The following CFAP57 variants were observed in gnomAD, a reference collection of about 807,000 sequenced individuals.
CFAP57 encodes the protein cilia- and flagella-associated protein 57.
A neutral mutation model predicts 146.8 loss-of-function variants in CFAP57; 116 were observed. The observed-to-expected ratio is 0.79, with a 90% CI of 0.68 to 0.92. The LOEUF (loss-of-function observed/expected upper bound fraction) is 0.92. Among genes scored for constraint, CFAP57 ranks in the 40% least tolerant of loss-of-function variants. CFAP57 has a pLI of 0.00. For missense variants in CFAP57, 1,377 were observed against 1,527.2 expected, an observed-to-expected ratio of 0.90 and a Z score of 1.64; for synonymous variants, 518 against 552.8, an observed-to-expected ratio of 0.94 and a Z score of 0.88.
rs1043986749 is a variant in CFAP57 at position 43,238,144 on chromosome 1, C to G, written c.3405+3506C>G. The stretch of plus-strand genomic sequence containing the variant: ...TTGTGCAGTTAGGCAGATGGTGAGC[C>G]CACTGACTGTGGGTTCCAGAAAGAT... On this transcript the variant is annotated intron_variant, in intron 21 of 22. Transcript: ENST00000372492. The surrounding 1 kb of genome is among the most constrained non-coding windows in gnomAD (Gnocchi z 4.3). 5.3e-5 allele frequency among the ~76,000 whole-genome samples: 8 copies of G among 152,046 alleles called. No individual in the cohort carries two copies. The highest frequency in any genetic ancestry group is 8.8e-5 in the Non-Finnish European group (6 of 67,992).
chr1:43,208,584 C>T (rs1185905400), intron 10 of CFAP57, among the ~76,000 whole-genome samples: 2 of 152,034 alleles, frequency 1.3e-5, no homozygotes, highest in Non-Finnish European at 2.9e-5. Flanking sequence ...CATAGGTGGG[C>T]ATTGAACAAT....
At chr1:43,202,930 T>G (rs1169429639) in intron 9 of CFAP57, among the ~76,000 whole-genome samples, 1 of 152,060 alleles carries the variant, frequency 6.6e-6, no homozygotes, top group Non-Finnish European at 1.5e-5. Context: ...TCCCAGCACT[T>G]TGGGAGGCTG....
In CFAP57 at chr1:43,234,363, AAGG is replaced by A; in HGVS notation, c.3214_3216del (p.Glu1072del). ...CTATATTCAGGAACCGCGGCTGCTG[AAGG>A]AGAAGGTTCGAGGTCTCTTTGAGAA... On this transcript the variant is annotated inframe_deletion, in exon 20 of 23. Coordinates refer to ENST00000372492, the MANE Select transcript of CFAP57 (RefSeq NM_001378189.1). 6.4e-7 allele frequency: 1 copy of A among 1,550,446 alleles called. No homozygotes were observed. Among genetic ancestry groups the A allele is most frequent in the Non-Finnish European group, 8.7e-7 (1 of 1,146,936 alleles).
intron 5 of CFAP57, among the ~76,000 whole-genome samples, chr1:43,185,678 C>CAAAAAAAAA (rs57421849): frequency 6.7e-4 from 44 of 65,464 alleles, no homozygotes; most frequent in African/African-American, 1.2e-3. Context: ...CCCATCTCTA[C>CAAAAAAAAA]AAAAAAAAAA....
intron 5 of CFAP57, 80 bp downstream of exon 5, chr1:43,185,436 A>T: frequency 7.5e-7 from 1 of 1,329,920 alleles, no homozygotes; most frequent in Non-Finnish European, 1.1e-6. Flanking sequence ...CTGAGAAGGC[A>T]TCTGATGGGG....
chr1:43,179,307 G>GT (rs1645296028), intron 2 of CFAP57, among the ~76,000 whole-genome samples: 1 of 152,142 alleles, frequency 6.6e-6, no homozygotes, highest in Admixed American at 6.5e-5. Flanking sequence ...GGATATCTAT[G>GT]TGAGAGGCGA....
chr1:43,186,804 G>C lies in CFAP57; in HGVS notation c.1067G>C (p.Ser356Thr), dbSNP rs775283643. 15 of 1,614,108 alleles carry C rather than the reference G, an allele frequency of 9.3e-6. No individual in the cohort carries two copies. Among genetic ancestry groups the C allele is most frequent in the South Asian group, 4.4e-5 (4 of 91,082 alleles). ...FSPSEETLVA[S>T]TSKNQLYSIT... ...CCCTCAGAGGAAACTCTGGTTGCCA[G>C]CACCAGTAAGAACCAACTCTACAGC... Residue 356 changes from serine (S) to threonine (T), a missense_variant, in exon 6 of 23, where the codon AGC (serine) becomes ACC (threonine). Physicochemically the swap from Ser to Thr is moderately conservative, Grantham distance 58. Coordinates refer to ENST00000372492, the MANE Select transcript of CFAP57 (RefSeq NM_001378189.1).
intron 6 of CFAP57, among the ~76,000 whole-genome samples, chr1:43,191,039 T>A (rs79159545): frequency 0.044 from 6,660 of 152,256 alleles, 506 homozygotes; most frequent in African/African-American, 0.15. Context: ...GAAGAATTGG[T>A]ATTAATTCTT....
intron 9 of CFAP57, among the ~76,000 whole-genome samples, chr1:43,202,646 G>A (rs1351110723): frequency 2.6e-5 from 4 of 151,918 alleles, no homozygotes; most frequent in Admixed American, 6.6e-5. Flanking sequence ...AGCCGGGTGT[G>A]GTGGCACACA....
chr1:43,230,553 T>C (rs376659304), intron 18 of CFAP57, among the ~76,000 whole-genome samples: 4 of 152,064 alleles, frequency 2.6e-5, no homozygotes, highest in African/African-American at 9.7e-5. Context: ...CTCCCCCCTC[T>C]TCAAATCCCT....
chr1:43,173,716 T>C (rs1300500379), intron 2 of CFAP57, among the ~76,000 whole-genome samples: 1 of 152,224 alleles, frequency 6.6e-6, no homozygotes, highest in African/African-American at 2.4e-5. Flanking sequence ...ACTCTAATAT[T>C]GAGGGACATT....
intron 9 of CFAP57, among the ~76,000 whole-genome samples, chr1:43,205,765 C>G (rs562141733): frequency 1.3e-5 from 2 of 151,990 alleles, no homozygotes; most frequent in Admixed American, 6.6e-5. Flanking sequence ...CTTTCCAGAC[C>G]GAAACCATAG....
chr1:43,197,399 C>T (rs1217678188), intron 6 of CFAP57, among the ~76,000 whole-genome samples, 154 bp from the exon 7 acceptor site: 3 of 152,088 alleles, frequency 2.0e-5, no homozygotes, highest in African/African-American at 7.2e-5. Flanking sequence ...ATAATATTGG[C>T]TCAGGAAAAT....
At chr1:43,189,959 A>G (rs1033862629) in intron 6 of CFAP57, among the ~76,000 whole-genome samples, 6 of 152,206 alleles carry the variant, frequency 3.9e-5, no homozygotes, top group South Asian at 2.1e-4. Flanking sequence ...TATGCCCCCA[A>G]TGATCCAAGC....
chr1:43,178,570 C>G (rs1645260038), intron 2 of CFAP57, among the ~76,000 whole-genome samples: 1 of 152,162 alleles, frequency 6.6e-6, no homozygotes, highest in Non-Finnish European at 1.5e-5. Flanking sequence ...AAATGCAAAT[C>G]AAAACCACAA....
At chr1:43,247,751 ATGACTTACACAGACCATGCG>A (rs1289191769) in intron 22 of CFAP57, among the ~76,000 whole-genome samples, 4 of 152,204 alleles carry the variant, frequency 2.6e-5, no homozygotes, top group Admixed American at 1.3e-4. Flanking sequence ...AAAACTACAT[ATGACTTACACAGACCATGCG>A]TGACATGCTT....
At chr1:43,197,089 C>A (rs1236470362) in intron 6 of CFAP57, among the ~76,000 whole-genome samples, 3 of 152,106 alleles carry the variant, frequency 2.0e-5, no homozygotes, top group Admixed American at 6.5e-5. Flanking sequence ...CATGGTGGCT[C>A]ACGCCTGTAA....
chr1:43,245,169 C>T (rs571574705), intron 22 of CFAP57, among the ~76,000 whole-genome samples: 1 of 151,966 alleles, frequency 6.6e-6, no homozygotes, highest in Non-Finnish European at 1.5e-5. Context: ...ATCAGCCGGG[C>T]ATGATGGCAT....
intron 22 of CFAP57, among the ~76,000 whole-genome samples, chr1:43,245,790 T>G (rs1172397803): frequency 6.6e-6 from 1 of 152,158 alleles, no homozygotes; most frequent in African/African-American, 2.4e-5. Context: ...CACCAGAGTA[T>G]GAGGAAAGAA....
Sources: allele counts gnomAD v4.1 joint callset (sites outside exome capture counted in the v4.1 genomes callset), GRCh38; gene constraint gnomAD v4.1.1; non-coding constraint Gnocchi (gnomAD v3.1); transcripts MANE v1.5; gene names NCBI Gene and HGNC (gene_info 2026-07-23, HGNC 2026-07-21).